The following KIAA1217 variants were observed in gnomAD, a reference collection of about 807,000 sequenced individuals.
KIAA1217 encodes the protein sickle tail protein homolog.
In KIAA1217, 88 loss-of-function variants were observed where a neutral mutation model predicts 163.9. That is an observed-to-expected ratio of 0.54 (90% CI 0.45 to 0.64). The LOEUF (loss-of-function observed/expected upper bound fraction) is 0.64. Among genes scored for constraint, KIAA1217 ranks in the 30% least tolerant of loss-of-function variants. KIAA1217 has a pLI of 0.00. For synonymous variants in KIAA1217, 903 were observed against 923.1 expected, an observed-to-expected ratio of 0.98 and a Z score of 0.39; for missense variants, 2,372 against 2,475.0, an observed-to-expected ratio of 0.96 and a Z score of 0.88.
At chr10:24,059,973 C>T (rs1389726167) in intron 2 of KIAA1217, among the ~76,000 whole-genome samples, 1 of 152,186 alleles carries the variant, frequency 6.6e-6, no homozygotes, top group South Asian at 2.1e-4. Flanking sequence ...ACAGTAGTCT[C>T]TTACAATCTA....
At chr10:23,763,891 A>C (rs562313539) in intron 1 of KIAA1217, among the ~76,000 whole-genome samples, 16 of 152,208 alleles carry the variant, frequency 1.1e-4, no homozygotes, top group Non-Finnish European at 1.9e-4. Context: ...AAGTTTAAAA[A>C]ATGTAGTTGG....
intron 2 of KIAA1217, among the ~76,000 whole-genome samples, chr10:24,032,679 T>A (rs1452745366): frequency 1.3e-5 from 2 of 152,198 alleles, no homozygotes; most frequent in African/African-American, 2.4e-5. Context: ...ATGTAAAGCC[T>A]CAGGGATAAA....
At chr10:24,438,678 G>A (rs975091071) in intron 5 of KIAA1217, among the ~76,000 whole-genome samples, 199 bp downstream of exon 5, 3 of 152,110 alleles carry the variant, frequency 2.0e-5, no homozygotes, top group Admixed American at 2.0e-4. Flanking sequence ...ATTAAAATAA[G>A]GCTGGACACA....
chr10:23,847,710 A>G (rs1839112589), intron 1 of KIAA1217, among the ~76,000 whole-genome samples: 2 of 151,902 alleles, frequency 1.3e-5, no homozygotes, highest in Admixed American at 6.6e-5. Flanking sequence ...TCATGTCTCT[A>G]TCTCCTTCAG....
intron 1 of KIAA1217, among the ~76,000 whole-genome samples, chr10:23,926,752 A>C (rs544259832): frequency 4.0e-4 from 61 of 151,440 alleles, no homozygotes; most frequent in Non-Finnish European, 7.2e-4. Context: ...TAAATAAATA[A>C]ATAAATAAAG....
chr10:23,931,398 C>T (rs1032862326), intron 1 of KIAA1217, among the ~76,000 whole-genome samples: 3 of 152,146 alleles, frequency 2.0e-5, no homozygotes, highest in African/African-American at 7.2e-5. Flanking sequence ...TGCCCTTCAC[C>T]CCTGTACCTA....
At chr10:24,352,373 C>T (rs1426977197) in intron 2 of KIAA1217, among the ~76,000 whole-genome samples, 1 of 152,170 alleles carries the variant, frequency 6.6e-6, no homozygotes, top group Non-Finnish European at 1.5e-5. Context: ...CAATTAATTG[C>T]AAAGTATGTA....
chr10:24,419,684 C>T (rs1032341736), intron 3 of KIAA1217, among the ~76,000 whole-genome samples: 1 of 152,148 alleles, frequency 6.6e-6, no homozygotes, highest in African/African-American at 2.4e-5. Context: ...AGCCCTCTTA[C>T]ACTTTTAAAG....
intron 1 of KIAA1217, among the ~76,000 whole-genome samples, chr10:23,792,860 A>G (rs115747984): frequency 0.011 from 1,696 of 152,166 alleles, 32 homozygotes; most frequent in African/African-American, 0.039. Context: ...CTGTGGCCTT[A>G]TAACTACTCC....
In KIAA1217 at chr10:24,524,713, C is replaced by A. The variant is rs1331229690; in HGVS notation, c.2847C>A (p.Phe949Leu). The A allele has an allele frequency of 6.2e-7, 1 of 1,611,144 alleles. No homozygotes were observed. Among genetic ancestry groups the A allele is most frequent in the Non-Finnish European group, 8.5e-7 (1 of 1,177,836 alleles). ...PMNGSAMQSL[F>L]IEEIHSVSAK... The stretch of plus-strand genomic sequence containing the variant: ...ATGGGTCTGCCATGCAGAGCTTGTT[C>A]ATTGAAGAAATCCACAGTGTGAGTG... Residue 949 changes from phenylalanine (F) to leucine (L), a missense_variant, in exon 13 of 21, where the codon TTC becomes TTA. Phe to Leu is a conservative substitution (Grantham distance 22). Transcript: ENST00000376454.
At chr10:24,061,431 GT>G (rs1394795589) in intron 2 of KIAA1217, among the ~76,000 whole-genome samples, 3 of 152,120 alleles carry the variant, frequency 2.0e-5, no homozygotes, top group African/African-American at 7.2e-5. Context: ...AACCACTAAT[GT>G]TACAGTAATA....
At chr10:23,993,077 G>C (rs531413265) in intron 1 of KIAA1217, among the ~76,000 whole-genome samples, 20 of 141,700 alleles carry the variant, frequency 1.4e-4, no homozygotes, top group African/African-American at 5.2e-4. Context: ...TGTTGCCCAG[G>C]CTTGAATGCA....
intron 1 of KIAA1217, among the ~76,000 whole-genome samples, chr10:23,856,238 C>T (rs962861188): frequency 3.3e-4 from 51 of 152,316 alleles, no homozygotes; most frequent in South Asian, 1.2e-3. Context: ...CAGACAGGAC[C>T]CTCAGCTGCA....
chr10:24,036,810 C>T (rs1200865050), intron 2 of KIAA1217, among the ~76,000 whole-genome samples: 1 of 152,156 alleles, frequency 6.6e-6, no homozygotes, highest in Non-Finnish European at 1.5e-5. Flanking sequence ...ACCCCCATGA[C>T]CCAAACACCT....
intron 1 of KIAA1217, among the ~76,000 whole-genome samples, chr10:23,779,563 T>G (rs974261366): frequency 2.0e-5 from 3 of 152,194 alleles, no homozygotes; most frequent in African/African-American, 7.2e-5. Flanking sequence ...GATGAACCCT[T>G]GGTATTGAGT....
intron 6 of KIAA1217, among the ~76,000 whole-genome samples, chr10:24,483,587 C>T (rs1373524643): frequency 6.6e-6 from 1 of 151,988 alleles, no homozygotes; most frequent in South Asian, 2.1e-4. Context: ...CTTTTGAGTC[C>T]GCCCTAAGAT....
rs528217462 is a variant in KIAA1217, at chr10:23,830,925, A to G, written c.-321+135691A>G. ...AAACTGCAGATTTCATGTTAAAGCTAGAAGTCTCTCCAAATGCCCACAGGT... is the reference window on the plus strand; with the variant it reads ...AAACTGCAGATTTCATGTTAAAGCTGGAAGTCTCTCCAAATGCCCACAGGT... On this transcript the variant is annotated intron_variant, in intron 1 of 18. Coordinates refer to the KIAA1217 transcript ENST00000376462. Among the ~76,000 whole-genome samples the G allele has an allele frequency of 3.3e-5, 5 of 152,172 alleles. No individual in the cohort carries two copies. The South Asian group carries it at 1.0e-3, about 32-fold the overall frequency.
intron 1 of KIAA1217, among the ~76,000 whole-genome samples, chr10:23,822,735 G>A (rs1484172636): frequency 6.6e-6 from 1 of 152,152 alleles, no homozygotes; most frequent in Admixed American, 6.5e-5. Flanking sequence ...TCTCCCACAA[G>A]GATGGAGAGG....
chr10:24,387,424 A>G (rs1460005465), intron 3 of KIAA1217, among the ~76,000 whole-genome samples: 2 of 152,270 alleles, frequency 1.3e-5, no homozygotes, highest in East Asian at 3.8e-4. Flanking sequence ...AGAGCTACTT[A>G]TGACAAACCC....
Sources: allele counts gnomAD v4.1 joint callset (sites outside exome capture counted in the v4.1 genomes callset), GRCh38; gene constraint gnomAD v4.1.1; transcripts MANE v1.5; gene names NCBI Gene and HGNC (gene_info 2026-07-23, HGNC 2026-07-21).